The following POLR1B variants were observed in gnomAD, a reference collection of about 807,000 sequenced individuals.
POLR1B encodes DNA-directed RNA polymerase I subunit RPA2.
Under a neutral mutation model 105.8 loss-of-function variants are expected in POLR1B, and 30 were observed. That is an observed-to-expected ratio of 0.28 (90% confidence interval 0.21 to 0.38). The LOEUF is 0.38. Among genes scored for constraint, POLR1B ranks in the 10% least tolerant of loss-of-function variants. POLR1B has a pLI of 1.00. For missense variants in POLR1B, 976 were observed against 1,435.8 expected (o/e 0.68, Z 5.17); for synonymous variants, 485 against 505.1 (o/e 0.96, Z 0.53).
chr2:112,549,154 C>CAA (rs2104514182), intron 3 of POLR1B, 113 bp from the exon 4 acceptor site: 1 of 1,182,036 alleles, frequency 8.5e-7, no homozygotes, highest in South Asian at 1.3e-5. Flanking sequence ...TAGTACATTT[C>CAA]ACCTCTGTGT....
Position 112,559,551 on chromosome 2 carries a change from T to C in POLR1B, c.1589T>C (p.Ile530Thr), listed in dbSNP as rs1275041015. Residue 530 changes from isoleucine to threonine, a missense_variant, in exon 9 of 15, where the codon ATT (isoleucine) becomes ACT (threonine). By Grantham distance (89) the Ile-to-Thr change is moderately conservative. Coordinates refer to ENST00000263331, the MANE Select transcript of POLR1B (RefSeq NM_019014.6). ...ACACAGTTTGTGTATACGGCATCTA[T>C]TCCAGCTTTACTGTGCAACTTGGGT... ...VVTQFVYTAS[I>T]PALLCNLGVT... 1 of 1,614,204 alleles carries C rather than the reference T, an allele frequency of 6.2e-7. No homozygotes were observed. Among genetic ancestry groups the C allele is most frequent in the Non-Finnish European group, 8.5e-7 (1 of 1,179,994 alleles).
rs766773107 is a variant in POLR1B at position 112,558,109 on chromosome 2, T to C, written c.1330+28T>C. On this transcript the variant is annotated intron_variant, in intron 8 of 14. Transcript: ENST00000263331. ...AAAATTAAATCGATCGTTTTAGTTATGTTTTTCAAATTAGTTGCTTAGTGT... is the reference window on the plus strand; with the variant it reads ...AAAATTAAATCGATCGTTTTAGTTACGTTTTTCAAATTAGTTGCTTAGTGT... 6.1e-6 allele frequency: 8 copies of C among 1,311,062 alleles called. No homozygotes were observed. In the East Asian group the frequency reaches 1.1e-4, roughly 18 times the overall value. The allele number at this position is 1,311,062 out of a possible 1,614,324, so 81.2% of individuals were successfully genotyped here.
At position 112,559,325 on chromosome 2, in the gene POLR1B, G is replaced by A. The variant is rs1181527846; in HGVS notation, c.1363G>A (p.Val455Ile). Residue 455 changes from valine to isoleucine, a missense_variant, in exon 9 of 15, where the codon GTT becomes ATT. This residue lies in a region of POLR1B where 452 missense variants were observed against 616.5 expected (regional missense o/e 0.73). Transcript: ENST00000263331. ...CCTCCTACAAGATTCTGGACTTTGT[G>A]TTGTGGCTGACAAGCTGAACTTCAT... Reference protein sequence around the residue: ...LGLLQDSGLCVVADKLNFIRY... With the variant: ...LGLLQDSGLCIVADKLNFIRY... 1 of 1,614,186 alleles carries A rather than the reference G, an allele frequency of 6.2e-7. No homozygotes were observed. Among genetic ancestry groups the A allele is most frequent in the Admixed American group, 1.7e-5 (1 of 60,030 alleles).
intron 1 of POLR1B, chr2:112,545,806 A>C: frequency 2.7e-6 from 1 of 366,106 alleles, no homozygotes; most frequent in Non-Finnish European, 5.3e-6. Flanking sequence ...TGCCCGGCTA[A>C]TTTTTTTATT....
intron 9 of POLR1B, among the ~76,000 whole-genome samples, chr2:112,562,863 C>A (rs1472529276): frequency 2.7e-5 from 4 of 150,266 alleles, no homozygotes; most frequent in Admixed American, 2.0e-4. Context: ...GTAGCCGGGA[C>A]CACAGGCATG....
rs1181887510 is a variant in POLR1B, at chr2:112,557,890, A to T, written c.1159-20A>T. Reference sequence around the variant, plus strand: ...CTGGCTCACATACTATTTTATATTAATTTTTTTTCCTTATTTCAGGAAAAA... The same window carrying T: ...CTGGCTCACATACTATTTTATATTATTTTTTTTTCCTTATTTCAGGAAAAA... On this transcript the variant is annotated intron_variant, in intron 7 of 14. Transcript: ENST00000263331. The T allele has an allele frequency of 8.3e-7, 1 of 1,211,124 alleles. No homozygotes were observed. The highest frequency in any genetic ancestry group is 1.1e-6 in the Non-Finnish European group (1 of 939,700). 75.0% of individuals were successfully genotyped at this position (1,211,124 alleles called of 1,614,324 possible). A position where few individuals can be genotyped will look rare whatever the true frequency, so the allele number is the denominator to read the frequency against.
Position 112,552,832 on chromosome 2 carries a change from G to A in POLR1B, c.1158+16G>A, listed in dbSNP as rs1460529292. ...GTTCCTGAAGGTAAATGCATGCTAT[G>A]TCCACCCTTGGCCAGTGGTACCACT... On this transcript the variant is annotated intron_variant, in intron 7 of 14. Coordinates refer to ENST00000263331, the MANE Select transcript of POLR1B (RefSeq NM_019014.6). The A allele has an allele frequency of 5.2e-6, 8 of 1,547,758 alleles. No individual in the cohort carries two copies. The highest frequency in any genetic ancestry group is 7.0e-6 in the Non-Finnish European group (8 of 1,146,236).
rs1277680709 is a variant in POLR1B at position 112,575,111 on chromosome 2, T to C, written c.2790T>C (p.Ile930=). The C allele has an allele frequency of 6.2e-7, 1 of 1,614,146 alleles. No individual in the cohort carries two copies. The highest frequency in any genetic ancestry group is 1.7e-5 in the Admixed American group (1 of 60,010). ...FPSRMTIGML[I]ESMAGKSAAL... ...CCCGCATGACCATTGGGATGTTAAT[T>C]GAGAGTATGGCCGGGAAGTCTGCAG... is the stretch of plus-strand genomic sequence containing the variant. The change falls in exon 15 of 15, where the codon ATT becomes ATC. Residue 930 remains isoleucine, a synonymous_variant. Coordinates refer to ENST00000263331, the MANE Select transcript of POLR1B (RefSeq NM_019014.6). The surrounding 1 kb of genome is among the most constrained non-coding windows in gnomAD (Gnocchi z 5.3).
At position 112,549,169 on chromosome 2, in the gene POLR1B, A is replaced by G. The variant is rs575772261; in HGVS notation, c.493-98A>G. The G allele has an allele frequency of 4.4e-5, 59 of 1,336,432 alleles. No individual in the cohort carries two copies. In the East Asian group the frequency reaches 1.4e-3, roughly 31 times the overall value. The allele number at this position is 1,336,432 out of a possible 1,614,324, so 82.8% of individuals were successfully genotyped here. A position where few individuals can be genotyped will look rare whatever the true frequency, so the allele number is the denominator to read the frequency against. On this transcript the variant is annotated intron_variant, in intron 3 of 14. Transcript: ENST00000263331. ...TAGTACATTTCACCTCTGTGTTCCT[A>G]TTCTGTGTGTTGTACTACCTTTGGC...
intron 7 of POLR1B, among the ~76,000 whole-genome samples, chr2:112,557,289 G>C (rs1193139916): frequency 6.6e-6 from 1 of 152,174 alleles, no homozygotes; most frequent in Non-Finnish European, 1.5e-5. Flanking sequence ...CAGAATACCA[G>C]AACTCATTCC....
intron 12 of POLR1B, among the ~76,000 whole-genome samples, chr2:112,569,201 C>G (rs1417809363): frequency 2.6e-5 from 4 of 152,080 alleles, no homozygotes; most frequent in Non-Finnish European, 4.4e-5. Flanking sequence ...TGCCTGAGGT[C>G]TTATTATTTG....
intron 1 of POLR1B, among the ~76,000 whole-genome samples, chr2:112,544,568 G>A (rs1682934926): frequency 6.6e-6 from 1 of 152,174 alleles, no homozygotes; most frequent in African/African-American, 2.4e-5. Flanking sequence ...AAAGACAGCT[G>A]GATTCTCATG....
chr2:112,552,164 C>G lies in POLR1B; in HGVS notation c.986+166C>G, dbSNP rs1443844365. Reference sequence around the variant, plus strand: ...GGCTACCTTTGTTTTTGCGGCCCTCCTCACTTGTATTTTTTTAGTAGTCGT... The same window carrying G: ...GGCTACCTTTGTTTTTGCGGCCCTCGTCACTTGTATTTTTTTAGTAGTCGT... On this transcript the variant is annotated intron_variant, in intron 6 of 14. Transcript: ENST00000263331. 3.3e-5 allele frequency among the ~76,000 whole-genome samples: 5 copies of G among 152,274 alleles called. No homozygotes were observed. The East Asian group carries it at 9.6e-4, about 29-fold the overall frequency.
intron 5 of POLR1B, 92 bp downstream of exon 5, chr2:112,551,094 A>T (rs1683342949): frequency 8.6e-6 from 11 of 1,272,320 alleles, no homozygotes; most frequent in Non-Finnish European, 1.2e-5. Flanking sequence ...TGTTAAAATA[A>T]TACTGTACTA....
At chr2:112,552,029 A>C (rs772908191) in intron 6 of POLR1B, 31 bp downstream of exon 6, 2 of 1,565,316 alleles carry the variant, frequency 1.3e-6, no homozygotes, top group South Asian at 2.2e-5. Context: ...CTGTTTTTGG[A>C]GGGGCGGAGG....
At chr2:112,555,766 T>C (rs1228105971) in intron 7 of POLR1B, among the ~76,000 whole-genome samples, 2 of 152,196 alleles carry the variant, frequency 1.3e-5, no homozygotes, top group Non-Finnish European at 2.9e-5. Context: ...TTGCCGAGTA[T>C]CTGATTTCCT....
chr2:112,556,274 T>C (rs549283487), intron 7 of POLR1B, among the ~76,000 whole-genome samples: 48 of 152,358 alleles, frequency 3.2e-4, no homozygotes, highest in African/African-American at 1.1e-3. Context: ...ATTAATACCC[T>C]TGTTGGGTGA....
intron 7 of POLR1B, among the ~76,000 whole-genome samples, chr2:112,555,519 G>T (rs1342473060): frequency 6.6e-6 from 1 of 152,108 alleles, no homozygotes; most frequent in Non-Finnish European, 1.5e-5. Context: ...AGGCCTGGTG[G>T]GCCACACCTG....
chr2:112,550,308 A>G (rs1683305036), intron 4 of POLR1B, among the ~76,000 whole-genome samples: 1 of 152,238 alleles, frequency 6.6e-6, no homozygotes, highest in African/African-American at 2.4e-5. Context: ...GACAATGCCT[A>G]AGACAGCATG....
Sources: allele counts gnomAD v4.1 joint callset (sites outside exome capture counted in the v4.1 genomes callset), GRCh38; gene constraint gnomAD v4.1.1; regional missense constraint gnomAD v4.1.1; non-coding constraint Gnocchi (gnomAD v3.1); transcripts MANE v1.5; gene names NCBI Gene and HGNC (gene_info 2026-07-23, HGNC 2026-07-21).